DAGLB: variants seen among roughly 807,000 people sequenced by gnomAD.
DAGLB encodes the protein diacylglycerol lipase beta.
A neutral mutation model predicts 72.1 loss-of-function variants in DAGLB; 66 were observed. The ratio of observed to expected loss-of-function variants is 0.92; its 90% confidence interval spans 0.75 to 1.12. The LOEUF (loss-of-function observed/expected upper bound fraction) is 1.12, where lower values mean the gene tolerates loss of function less well. Among genes scored for constraint, DAGLB ranks in the 50% most tolerant of loss-of-function variants. DAGLB has a pLI of 0.00. For synonymous variants in DAGLB, 414 were observed against 359.5 expected, an observed-to-expected ratio of 1.15 and a Z score of -1.71; for missense variants, 1,065 against 884.9, an observed-to-expected ratio of 1.20 and a Z score of -2.58.
chr7:6,413,880 G>A (rs972366614), intron 11 of DAGLB, among the ~76,000 whole-genome samples: 1 of 152,238 alleles, frequency 6.6e-6, no homozygotes, highest in Non-Finnish European at 1.5e-5. Flanking sequence ...CACGACCAGA[G>A]ACAGAAGAGC....
At chr7:6,427,765 TG>T (rs1405104250) in intron 6 of DAGLB, among the ~76,000 whole-genome samples, 1 of 152,070 alleles carries the variant, frequency 6.6e-6, no homozygotes, top group Non-Finnish European at 1.5e-5. Flanking sequence ...TACTCTAGCC[TG>T]GGCAACAGTC....
chr7:6,444,678 CA>C (rs2115301245), intron 2 of DAGLB, among the ~76,000 whole-genome samples: 1 of 152,200 alleles, frequency 6.6e-6, no homozygotes, highest in South Asian at 2.1e-4. Context: ...GACATTTCCG[CA>C]AAAATGATAC....
chr7:6,431,876 T>C (rs1443683958), intron 5 of DAGLB, among the ~76,000 whole-genome samples: 2 of 152,146 alleles, frequency 1.3e-5, no homozygotes, highest in African/African-American at 4.8e-5. Context: ...TGACAGGTGA[T>C]GCAATACAAC....
intron 2 of DAGLB, among the ~76,000 whole-genome samples, chr7:6,439,634 G>A (rs1275238053): frequency 6.6e-6 from 1 of 152,172 alleles, no homozygotes; most frequent in African/African-American, 2.4e-5. Flanking sequence ...ATGGCACAAG[G>A]CAGACTTTGT....
intron 6 of DAGLB, among the ~76,000 whole-genome samples, chr7:6,429,140 TCAC>T (rs1784401924): frequency 6.6e-6 from 1 of 152,064 alleles, no homozygotes; most frequent in African/African-American, 2.4e-5. Context: ...AGGCTGGCAG[TCAC>T]CACCTCAGCC....
chr7:6,420,178 A>C (rs1188261147), intron 9 of DAGLB, among the ~76,000 whole-genome samples: 1 of 152,078 alleles, frequency 6.6e-6, no homozygotes, highest in Admixed American at 6.6e-5. Flanking sequence ...GCGGTGGCTT[A>C]TGCCTGTAAT....
At position 6,410,052 on chromosome 7, in the gene DAGLB, G is replaced by A. The variant is rs766251087; in HGVS notation, c.1821-17C>T. The A allele has an allele frequency of 1.9e-6, 3 of 1,608,808 alleles. No individual in the cohort carries two copies. Among genetic ancestry groups the A allele is most frequent in the East Asian group, 2.2e-5 (1 of 44,832 alleles). On this transcript the variant is annotated splice_polypyrimidine_tract_variant and intron_variant, in intron 14 of 14. Transcript: ENST00000297056. ...CAGCCAAACCTGAAGCAGAAAAGGA[G>A]AGACAGCTCCCACGCGGCCCCAGGG... is the stretch of plus-strand genomic sequence containing the variant.
At chr7:6,436,931 C>T (rs1307398149) in intron 2 of DAGLB, among the ~76,000 whole-genome samples, 1 of 151,890 alleles carries the variant, frequency 6.6e-6, no homozygotes, top group Non-Finnish European at 1.5e-5. Flanking sequence ...AGGTAGATCA[C>T]CTGAGGTCAG....
rs1233913914 is a variant in DAGLB at position 6,447,530 on chromosome 7, CCA to C, written c.95+216_95+217del. Among the ~76,000 whole-genome samples the C allele has an allele frequency of 2.6e-5, 4 of 152,162 alleles. No individual in the cohort carries two copies. The East Asian group carries it at 7.7e-4, about 29-fold the overall frequency. On this transcript the variant is annotated intron_variant, in intron 1 of 14. Coordinates refer to ENST00000297056, the MANE Select transcript of DAGLB (RefSeq NM_139179.4). ...CCCCTGTTTGTCCCCCGGGGTCAGCCCACACACTCTGGGGGCTTCGGTTTGTC... is the reference window on the plus strand; with the variant it reads ...CCCCTGTTTGTCCCCCGGGGTCAGCCCACACTCTGGGGGCTTCGGTTTGTC...
intron 13 of DAGLB, among the ~76,000 whole-genome samples, chr7:6,411,186 T>G (rs1448966005): frequency 1.3e-5 from 2 of 152,074 alleles, no homozygotes; most frequent in East Asian, 3.9e-4. Flanking sequence ...TTTTTGTATT[T>G]TTAGTAGAGA....
At chr7:6,434,244 A>C (rs985828816) in intron 4 of DAGLB, among the ~76,000 whole-genome samples, 2 of 152,186 alleles carry the variant, frequency 1.3e-5, no homozygotes, top group African/African-American at 4.8e-5. Context: ...TGTGAAAAAA[A>C]AAAAACAAGC....
intron 4 of DAGLB, among the ~76,000 whole-genome samples, chr7:6,433,775 C>T (rs377668273): frequency 2.0e-5 from 3 of 151,406 alleles, no homozygotes; most frequent in Non-Finnish European, 2.9e-5. Context: ...GAGAATCTCT[C>T]GAACACAGGA....
At chr7:6,421,973 G>T in intron 8 of DAGLB, 169 bp from the exon 9 acceptor site, 3 of 752,894 alleles carry the variant, frequency 4.0e-6, no homozygotes, top group African/African-American at 1.7e-5. Flanking sequence ...CCCAGCGGTG[G>T]CTCCTGAGGG....
At chr7:6,445,169 T>C (rs1236196670) in intron 2 of DAGLB, among the ~76,000 whole-genome samples, 3 of 152,174 alleles carry the variant, frequency 2.0e-5, no homozygotes, top group Admixed American at 1.3e-4. Context: ...GTATAAACAC[T>C]TGTATGCGAA....
At position 6,412,806 on chromosome 7, in the gene DAGLB, C is replaced by T. The variant is rs754126526; in HGVS notation, c.1569+5G>A. ...GCTGACCCTCTCAACAAGGCACCCG[C>T]TTACCTTGGGTTTATTGCAGTGCGC... On this transcript the variant is annotated splice_donor_5th_base_variant and intron_variant, in intron 13 of 14. Transcript: ENST00000297056. 5.1e-6 allele frequency: 8 copies of T among 1,579,856 alleles called. No individual in the cohort carries two copies. The South Asian group carries it at 9.1e-5, about 18-fold the overall frequency.
chr7:6,439,074 G>C (rs1197094914), intron 2 of DAGLB, among the ~76,000 whole-genome samples: 1 of 151,880 alleles, frequency 6.6e-6, no homozygotes, highest in Non-Finnish European at 1.5e-5. Flanking sequence ...GGCTGACATG[G>C]TGAAACCTCA....
chr7:6,426,134 G>A lies in DAGLB; in HGVS notation c.930-20C>T, dbSNP rs551892729. ...CTGCAGCTAAAAAGAGGACAAAGAC[G>A]TTACTATGCCGAACAGAGCCACTTG... On this transcript the variant is annotated intron_variant, in intron 6 of 14. Transcript: ENST00000297056. 26 of 1,612,564 alleles carry A rather than the reference G, an allele frequency of 1.6e-5. No individual in the cohort carries two copies. Among genetic ancestry groups the A allele is most frequent in the Middle Eastern group, 1.9e-4 (1 of 5,320 alleles).
intron 11 of DAGLB, among the ~76,000 whole-genome samples, chr7:6,413,245 C>T (rs1562477789): frequency 6.6e-6 from 1 of 152,160 alleles, no homozygotes; most frequent in Non-Finnish European, 1.5e-5. Flanking sequence ...CAGAGACGCC[C>T]CGCAGCTAAA....
chr7:6,423,809 G>A (rs144247219), intron 8 of DAGLB, among the ~76,000 whole-genome samples: 3 of 152,108 alleles, frequency 2.0e-5, no homozygotes, highest in Non-Finnish European at 2.9e-5. Flanking sequence ...GGATGGTGTC[G>A]ATCTCTTGAC....
Sources: gnomAD v4.1 joint callset for allele counts (sites outside exome capture counted in the v4.1 genomes callset) on GRCh38, gnomAD v4.1.1 for gene constraint, MANE v1.5 for transcripts, NCBI Gene and HGNC (gene_info 2026-07-23, HGNC 2026-07-21) for gene names.